SARNP: variants seen among roughly 807,000 people sequenced by gnomAD.
SARNP encodes the protein SAP domain containing ribonucleoprotein.
In SARNP, 5 loss-of-function variants were observed where a neutral mutation model predicts 38.1. That is an observed-to-expected ratio of 0.13 (90% CI 0.07 to 0.28). SARNP has a LOEUF of 0.28. Among genes scored for constraint, SARNP ranks in the 10% least tolerant of loss-of-function variants. SARNP has a pLI of 1.00. For missense variants in SARNP, 180 were observed against 243.9 expected, an observed-to-expected ratio of 0.74 and a Z score of 1.75; for synonymous variants, 84 against 80.6, an observed-to-expected ratio of 1.04 and a Z score of -0.23.
At chr12:55,799,203 G>T (rs559871204) in intron 4 of SARNP, among the ~76,000 whole-genome samples, 3 of 152,114 alleles carry the variant, frequency 2.0e-5, no homozygotes, top group Non-Finnish European at 4.4e-5. Context: ...ATTCTTAATT[G>T]ATATACTCCA....
chr12:55,814,177 A>T (rs375339331), intron 1 of SARNP, among the ~76,000 whole-genome samples: 12 of 152,244 alleles, frequency 7.9e-5, no homozygotes, highest in African/African-American at 2.4e-4. Context: ...TCCTATAATA[A>T]ATATCTAAGT....
intron 2 of SARNP, among the ~76,000 whole-genome samples, chr12:55,803,210 G>A (rs569556010): frequency 2.0e-5 from 3 of 152,152 alleles, no homozygotes; most frequent in South Asian, 2.1e-4. Flanking sequence ...ATGGCTGGGC[G>A]CGGTGGCTCA....
At chr12:55,801,634 G>A (rs1227341386) in intron 2 of SARNP, among the ~76,000 whole-genome samples, 1 of 152,100 alleles carries the variant, frequency 6.6e-6, no homozygotes, top group African/African-American at 2.4e-5. Context: ...ATTTGTTTTT[G>A]TTGAGACAGA....
chr12:55,755,106 A>G (rs1205824120), downstream of SARNP: 1 of 152,242 alleles, frequency 6.6e-6, no homozygotes, highest in African/African-American at 2.4e-5. Context: ...GGGGATTCCA[A>G]TAATCAGAAA....
downstream of SARNP, chr12:55,753,459 ACT>A (rs1239769869): frequency 6.6e-6 from 1 of 152,116 alleles, no homozygotes; most frequent in Non-Finnish European, 1.5e-5. Flanking sequence ...ATATTGCCTG[ACT>A]CACATTTTTC....
chr12:55,792,171 G>A (rs1879690142), intron 7 of SARNP, among the ~76,000 whole-genome samples: 2 of 151,972 alleles, frequency 1.3e-5, no homozygotes, highest in Admixed American at 1.3e-4. Flanking sequence ...GCAACTAAGA[G>A]CCAGAAAAAA....
chr12:55,781,787 T>G (rs1043819640), intron 9 of SARNP, among the ~76,000 whole-genome samples: 1 of 152,198 alleles, frequency 6.6e-6, no homozygotes, highest in African/African-American at 2.4e-5. Flanking sequence ...GATGCCATCA[T>G]GGCTTACTGC....
intron 9 of SARNP, among the ~76,000 whole-genome samples, chr12:55,771,082 C>T (rs976651629): frequency 1.3e-5 from 2 of 151,942 alleles, no homozygotes; most frequent in African/African-American, 2.4e-5. Flanking sequence ...GGATTACAGG[C>T]GCATGCCACC....
intron 4 of SARNP, among the ~76,000 whole-genome samples, chr12:55,797,356 A>G (rs895134614): frequency 3.9e-5 from 6 of 152,154 alleles, no homozygotes; most frequent in African/African-American, 7.2e-5. Context: ...AGAAACAGGT[A>G]TATTTTTGGA....
chr12:55,775,542 C>CAAAAAAAAAAAAAAAAAAA (rs1301695865), intron 9 of SARNP, among the ~76,000 whole-genome samples: 1 of 105,208 alleles, frequency 9.5e-6, no homozygotes, highest in Non-Finnish European at 2.0e-5. Flanking sequence ...AAAAAAAAAA[C>CAAAAAAAAAAAAAAAAAAA]AAAAAACAAA....
intron 1 of SARNP, among the ~76,000 whole-genome samples, chr12:55,803,986 TACTA>T (rs1213066299): frequency 2.0e-5 from 3 of 152,320 alleles, no homozygotes; most frequent in African/African-American, 7.2e-5. Flanking sequence ...TTTGTATACC[TACTA>T]ACTGTCACAA....
At chr12:55,773,741 GC>G (rs1879078865) in intron 9 of SARNP, among the ~76,000 whole-genome samples, 1 of 152,134 alleles carries the variant, frequency 6.6e-6, no homozygotes, top group African/African-American at 2.4e-5. Flanking sequence ...ACAGAGTTTT[GC>G]TCTTGTCGCC....
chr12:55,773,889 G>A (rs1023032546), intron 9 of SARNP, among the ~76,000 whole-genome samples: 1 of 152,052 alleles, frequency 6.6e-6, no homozygotes, highest in Non-Finnish European at 1.5e-5. Context: ...TGTATTTTTA[G>A]TAGAGACGGG....
At chr12:55,799,464 T>C (rs1309657221) in intron 4 of SARNP, among the ~76,000 whole-genome samples, 1 of 151,048 alleles carries the variant, frequency 6.6e-6, no homozygotes, top group African/African-American at 2.4e-5. Flanking sequence ...CCACTGTAAA[T>C]CAGAAAGCAA....
chr12:55,769,353 G>A (rs935041452), intron 9 of SARNP, among the ~76,000 whole-genome samples: 4 of 152,142 alleles, frequency 2.6e-5, no homozygotes, highest in African/African-American at 7.2e-5. Flanking sequence ...TAAAGTTAAG[G>A]AATAAGAACC....
At chr12:55,791,215 C>T (rs1879658878) in intron 7 of SARNP, among the ~76,000 whole-genome samples, 1 of 152,136 alleles carries the variant, frequency 6.6e-6, no homozygotes, top group African/African-American at 2.4e-5. Context: ...TACTAATGGG[C>T]ACAGACTTTC....
At chr12:55,783,010 C>A (rs1024799034) in intron 9 of SARNP, among the ~76,000 whole-genome samples, 15 of 152,140 alleles carry the variant, frequency 9.9e-5, no homozygotes, top group Admixed American at 9.2e-4. Context: ...ACTCAGGAGG[C>A]TGAGGTGGGA....
At chr12:55,776,823 G>T (rs1879196342) in intron 9 of SARNP, among the ~76,000 whole-genome samples, 1 of 152,044 alleles carries the variant, frequency 6.6e-6, no homozygotes, top group South Asian at 2.1e-4. Flanking sequence ...AAAGAAAAAA[G>T]AAAAAACTCT....
Position 55,789,151 on chromosome 12 carries a change from A to C in SARNP, c.433-8T>G, listed in dbSNP as rs922989857. ...CAGCTTATCCAAGTTAACCTATAAA[A>C]ACATAGGGGAAAGAACATAGTTTTA... On this transcript the variant is annotated splice_polypyrimidine_tract_variant and splice_region_variant and intron_variant, in intron 8 of 10. Coordinates refer to ENST00000336133, the MANE Select transcript of SARNP (RefSeq NM_033082.4). 1 of 1,569,616 alleles carries C rather than the reference A, an allele frequency of 6.4e-7. No individual in the cohort carries two copies. Among genetic ancestry groups the C allele is most frequent in the Non-Finnish European group, 8.6e-7 (1 of 1,157,052 alleles).
Sources: allele counts gnomAD v4.1 joint callset (sites outside exome capture counted in the v4.1 genomes callset), GRCh38; gene constraint gnomAD v4.1.1; transcripts MANE v1.5; gene names NCBI Gene and HGNC (gene_info 2026-07-23, HGNC 2026-07-21).